BRCA1: variants seen among roughly 807,000 people sequenced by gnomAD.
BRCA1 encodes the protein breast cancer type 1 susceptibility protein.
Under a neutral mutation model 173.7 loss-of-function variants are expected in BRCA1, and 140 were observed. That is an observed-to-expected ratio of 0.81 (90% CI 0.70 to 0.93). BRCA1 has a LOEUF of 0.93. BRCA1 is among the 40% of genes least tolerant of loss of function. The pLI, the probability that BRCA1 is intolerant of heterozygous loss-of-function variation, is 0.00. For missense variants in BRCA1, 1,983 were observed against 2,172.5 expected, an observed-to-expected ratio of 0.91 and a Z score of 1.73; for synonymous variants, 662 against 756.0, an observed-to-expected ratio of 0.88 and a Z score of 2.04.
intron 11 of BRCA1, 61 bp downstream of exon 11, chr17:43,090,883 A>G (rs2154248465): frequency 1.1e-5 from 16 of 1,428,820 alleles, no homozygotes; most frequent in Non-Finnish European, 1.5e-5. Context: ...TGTGGGATAC[A>G]TACTACTGAA....
Position 43,094,828 on chromosome 17 carries a change from T to A in BRCA1, c.703A>T (p.Asn235Tyr), listed in dbSNP as rs2154497564. The A allele has an allele frequency of 6.2e-7, 1 of 1,613,780 alleles. No individual in the cohort carries two copies. The highest frequency in any genetic ancestry group is 8.5e-7 in the Non-Finnish European group (1 of 1,179,918). Reference protein sequence around the residue: ...ACEFSETDVTNTEHHQPSNND... With the variant: ...ACEFSETDVTYTEHHQPSNND... Reference sequence around the variant, plus strand: ...TTACTGGGTTGATGATGTTCAGTATTTGTTACATCCGTCTCAGAAAATTCA... The same window carrying A: ...TTACTGGGTTGATGATGTTCAGTATATGTTACATCCGTCTCAGAAAATTCA... Residue 235 changes from asparagine to tyrosine, a missense_variant, in exon 10 of 23, where the codon AAT (asparagine) becomes TAT (tyrosine). Coordinates refer to ENST00000357654, the MANE Select transcript of BRCA1 (RefSeq NM_007294.4).
chr17:43,060,369 G>A (rs2051694981), intron 18 of BRCA1, among the ~76,000 whole-genome samples: 1 of 151,934 alleles, frequency 6.6e-6, no homozygotes, highest in South Asian at 2.1e-4. Flanking sequence ...GCATTTTTTA[G>A]TAGAGATGGG....
At chr17:43,150,316 G>C (rs763111743) in intron 1 of BRCA1, among the ~76,000 whole-genome samples, 1 of 151,984 alleles carries the variant, frequency 6.6e-6, no homozygotes, top group Non-Finnish European at 1.5e-5. Flanking sequence ...CATCATGTTG[G>C]CCAGGCTGGT....
rs549466988 is a variant in BRCA1, at chr17:43,138,342, A to T, written c.-19-14227T>A. On this transcript the variant is annotated intron_variant, in intron 1 of 7. Transcript: ENST00000634433. ...GCTCAGCTTTCATTCCAGTGAAAACATTCCAGAACAAACTCCAGGTCGGTC... is the reference window on the plus strand; with the variant it reads ...GCTCAGCTTTCATTCCAGTGAAAACTTTCCAGAACAAACTCCAGGTCGGTC... 26 of 430,302 alleles carry T rather than the reference A, an allele frequency of 6.0e-5. No individual in the cohort carries two copies. The South Asian group carries it at 6.8e-4, about 11-fold the overall frequency. The allele number at this position is 430,302 out of a possible 1,614,324, so 26.7% of individuals were successfully genotyped here. A position where few individuals can be genotyped will look rare whatever the true frequency, so the allele number is the denominator to read the frequency against.
chr17:43,115,805 G>T lies in BRCA1; in HGVS notation c.81-26C>A, dbSNP rs781513700. On this transcript the variant is annotated intron_variant, in intron 2 of 22. Transcript: ENST00000357654. ...CTAGCAGGGTAGGGGGGGAGAAAAA[G>T]AAAATAAATGAGGCTCAATAATTTA... 5.0e-6 allele frequency: 8 copies of T among 1,596,890 alleles called. No individual in the cohort carries two copies. In the Admixed American group the frequency reaches 1.2e-4, roughly 24 times the overall value.
At position 43,102,440 on chromosome 17, in the gene BRCA1, T is replaced by A. The variant is rs189910357; in HGVS notation, c.441+1682A>T. 1.9e-3 allele frequency among the ~76,000 whole-genome samples: 264 copies of A among 135,728 alleles called. 1 individual carries two copies. The highest frequency in any genetic ancestry group is 1.7e-3 in the Non-Finnish European group (110 of 65,720). 89.0% of individuals were successfully genotyped at this position (135,728 alleles called of 152,430 possible). ...GGCGCAATCTCGGCTCACTGCAACCTCCGACTCTCAGGTTCAAGTGATTCT... is the reference window on the plus strand; with the variant it reads ...GGCGCAATCTCGGCTCACTGCAACCACCGACTCTCAGGTTCAAGTGATTCT... On this transcript the variant is annotated intron_variant, in intron 6 of 22. Transcript: ENST00000357654.
intron 1 of BRCA1, chr17:43,168,188 A>G: frequency 2.4e-6 from 1 of 413,000 alleles, no homozygotes. Flanking sequence ...ACACTGTAAG[A>G]TTTTCTGCAT....
chr17:43,077,962 C>T (rs989684995), intron 12 of BRCA1, among the ~76,000 whole-genome samples: 1 of 149,188 alleles, frequency 6.7e-6, no homozygotes, highest in Admixed American at 6.7e-5. Flanking sequence ...CTCGAACTCC[C>T]GACCTCAGGT....
chr17:43,094,145 C>T lies in BRCA1; in HGVS notation c.1386G>A (p.Gly462=), dbSNP rs876659749. Residue 462 remains glycine, a synonymous_variant, in exon 10 of 23, where the codon GGG becomes GGA. Transcript: ENST00000357654. ...VESNIEDKIF[G]KTYRKKASLP... ...GGCTTGCCTTCTTCCGATAGGTTTT[C>T]CCAAATATTTTGTCTTCAATATTAC... 7 of 1,613,922 alleles carry T rather than the reference C, an allele frequency of 4.3e-6. No individual in the cohort carries two copies. Among genetic ancestry groups the T allele is most frequent in the African/African-American group, 4.0e-5 (3 of 74,910 alleles).
At chr17:43,133,725 C>A (rs552504601) in intron 1 of BRCA1, among the ~76,000 whole-genome samples, 1 of 151,682 alleles carries the variant, frequency 6.6e-6, no homozygotes, top group African/African-American at 2.4e-5. Flanking sequence ...AGCTCCGCCT[C>A]CCGGGTTCAA....
intron 1 of BRCA1, among the ~76,000 whole-genome samples, chr17:43,137,734 G>A (rs1344377259): frequency 3.9e-5 from 6 of 152,066 alleles, no homozygotes; most frequent in Admixed American, 2.0e-4. Context: ...AAAATTAGCC[G>A]GGCATGGTGG....
intron 6 of BRCA1, among the ~76,000 whole-genome samples, chr17:43,101,303 C>T (rs2054464913): frequency 6.7e-6 from 1 of 149,558 alleles, no homozygotes; most frequent in Non-Finnish European, 1.5e-5. Context: ...TTCAAGTGAT[C>T]CTCCCACCTC....
rs2154373446 is a variant in BRCA1 at position 43,093,020 on chromosome 17, A to G, written c.2511T>C (p.Val837=). 1 of 1,613,940 alleles carries G rather than the reference A, an allele frequency of 6.2e-7. No individual in the cohort carries two copies. The highest frequency in any genetic ancestry group is 1.1e-5 in the South Asian group (1 of 91,070). The part of the protein sequence containing the change: ...EGFKYPLGHE[V]NHSRETSIEM... The stretch of plus-strand genomic sequence containing the variant: ...CTATGCTTGTTTCCCGACTGTGGTT[A>G]ACTTCATGTCCCAATGGATACTTAA... Residue 837 remains valine (V), a synonymous_variant, in exon 10 of 23, where the codon GTT becomes GTC. Transcript: ENST00000357654.
chr17:43,164,793 G>C (rs2056257134), intron 1 of BRCA1: 1 of 152,166 alleles, frequency 6.6e-6, no homozygotes, highest in Non-Finnish European at 1.5e-5. Context: ...CTTCAGGCTG[G>C]TGCTGGTTTA....
At chr17:43,123,273 T>C (rs2055667815) in intron 2 of BRCA1, among the ~76,000 whole-genome samples, 1 of 151,938 alleles carries the variant, frequency 6.6e-6, no homozygotes, top group African/African-American at 2.4e-5. Context: ...GTATGTAATT[T>C]CATTGTATGT....
chr17:43,127,391 G>A (rs565436199), upstream of BRCA1, among the ~76,000 whole-genome samples: 2 of 152,160 alleles, frequency 1.3e-5, no homozygotes, highest in African/African-American at 4.8e-5. Context: ...AATCTGGTGG[G>A]CACTTGGAGA....
Position 43,092,784 on chromosome 17 carries a change from T to A in BRCA1, c.2747A>T (p.Asn916Ile), listed in dbSNP as rs864622588. Residue 916 changes from asparagine to isoleucine, a missense_variant, in exon 10 of 23, where the codon AAT (asparagine) becomes ATT (isoleucine). By Grantham distance (149) the Asn-to-Ile change is moderately radical. Transcript: ENST00000357654. Reference sequence around the variant, plus strand: ...ATTAACTGTCTGTACAGGCTTGATATTAGACTCATTCTTTCCTTGATTTTC... The same window carrying A: ...ATTAACTGTCTGTACAGGCTTGATAATAGACTCATTCTTTCCTTGATTTTC... ...KEENQGKNES[N>I]IKPVQTVNIT... 5 of 1,613,926 alleles carry A rather than the reference T, an allele frequency of 3.1e-6. No individual in the cohort carries two copies. The highest frequency in any genetic ancestry group is 4.2e-6 in the Non-Finnish European group (5 of 1,179,974).
At chr17:43,065,622 C>T (rs2052035289) in intron 16 of BRCA1, among the ~76,000 whole-genome samples, 2 of 152,176 alleles carry the variant, frequency 1.3e-5, no homozygotes, top group African/African-American at 2.4e-5. Context: ...CAAGATCGTG[C>T]CATTGCACTC....
At chr17:43,050,628 A>T (rs530034380) in intron 20 of BRCA1, among the ~76,000 whole-genome samples, 26 of 151,384 alleles carry the variant, frequency 1.7e-4, no homozygotes, top group South Asian at 4.2e-4. Context: ...GAAAAAAAAA[A>T]AGAAATGTTC....
Sources: allele counts gnomAD v4.1 joint callset (sites outside exome capture counted in the v4.1 genomes callset), GRCh38; gene constraint gnomAD v4.1.1; transcripts MANE v1.5; gene names NCBI Gene and HGNC (gene_info 2026-07-23, HGNC 2026-07-21).